Variants in WDR41 observed in about 807,000 individuals in gnomAD.
WDR41 encodes the protein WD repeat domain 41.
In WDR41, 63 loss-of-function variants were observed where a neutral mutation model predicts 69.3. The observed-to-expected ratio is 0.91, with a 90% CI of 0.74 to 1.12. WDR41 has a LOEUF of 1.12. Among genes scored for constraint, WDR41 ranks in the 50% most tolerant of loss-of-function variants. The pLI, the probability that WDR41 is intolerant of heterozygous loss-of-function variation, is 0.00. For missense variants in WDR41, 543 were observed against 534.5 expected (o/e 1.02, Z -0.16); for synonymous variants, 185 against 192.1 (o/e 0.96, Z 0.31).
chr5:77,589,806 TATA>T (rs1744105035), intron 1 of WDR41, among the ~76,000 whole-genome samples: 1 of 152,158 alleles, frequency 6.6e-6, no homozygotes, highest in Non-Finnish European at 1.5e-5. Context: ...TTCCAATCCT[TATA>T]ATATTTATTT....
intron 1 of WDR41, among the ~76,000 whole-genome samples, chr5:77,515,951 A>T (rs1435627870): frequency 6.6e-6 from 1 of 152,212 alleles, no homozygotes; most frequent in Admixed American, 6.5e-5. Context: ...ATTTGTCAAC[A>T]TTATAATGCC....
intron 1 of WDR41, among the ~76,000 whole-genome samples, chr5:77,521,311 C>T (rs1802367667): frequency 6.6e-6 from 1 of 152,234 alleles, no homozygotes; most frequent in Non-Finnish European, 1.5e-5. Flanking sequence ...AATCTAATGC[C>T]GAGGCTGATC....
chr5:77,454,132 A>C (rs1799734867), intron 5 of WDR41, among the ~76,000 whole-genome samples: 1 of 152,170 alleles, frequency 6.6e-6, no homozygotes, highest in African/African-American at 2.4e-5. Flanking sequence ...GACTTACAAG[A>C]CTAAGTCATA....
intron 1 of WDR41, among the ~76,000 whole-genome samples, chr5:77,561,287 T>G (rs1301372921): frequency 6.6e-6 from 1 of 152,158 alleles, no homozygotes; most frequent in African/African-American, 2.4e-5. Flanking sequence ...TGCATATAAG[T>G]TTTTCATTTT....
chr5:77,493,108 T>C (rs965737167), upstream of WDR41, among the ~76,000 whole-genome samples: 6 of 152,220 alleles, frequency 3.9e-5, no homozygotes, highest in African/African-American at 1.4e-4. Flanking sequence ...AAATGTAGAT[T>C]CCTGGCTTCC....
intron 3 of WDR41, among the ~76,000 whole-genome samples, chr5:77,464,274 C>CTTTTTTTTTTTTT (rs71606297): frequency 2.1e-5 from 2 of 94,222 alleles, no homozygotes; most frequent in African/African-American, 4.3e-5. Context: ...TAGGAAAAAA[C>CTTTTTTTTTTTTT]TTTTTTTTTT....
chr5:77,526,925 T>A (rs1802458683), intron 1 of WDR41, among the ~76,000 whole-genome samples: 1 of 152,096 alleles, frequency 6.6e-6, no homozygotes, highest in Admixed American at 6.5e-5. Flanking sequence ...CCAATAGCTA[T>A]CCCATATGGA....
intron 2 of WDR41, among the ~76,000 whole-genome samples, chr5:77,469,525 AG>A (rs1390889736): frequency 2.0e-5 from 3 of 152,208 alleles, no homozygotes; most frequent in African/African-American, 7.2e-5. Flanking sequence ...CTCTTTGGTA[AG>A]ACCATTTCAT....
intron 1 of WDR41, among the ~76,000 whole-genome samples, chr5:77,542,091 T>C (rs1743098289): frequency 6.6e-6 from 1 of 152,116 alleles, no homozygotes; most frequent in Non-Finnish European, 1.5e-5. Context: ...TATGCAGCCA[T>C]AAAAAGGAAC....
intron 1 of WDR41, among the ~76,000 whole-genome samples, chr5:77,585,037 A>G (rs1744012841): frequency 6.6e-6 from 1 of 152,100 alleles, no homozygotes; most frequent in South Asian, 2.1e-4. Context: ...TAAACAGACA[A>G]CTCACACAGT....
At chr5:77,494,560 A>G (rs1280693926), upstream of WDR41, among the ~76,000 whole-genome samples, 1 of 152,200 alleles carries the variant, frequency 6.6e-6, no homozygotes, top group African/African-American at 2.4e-5. Context: ...AAGTTTTCAA[A>G]GACAGAAACA....
At chr5:77,593,648 G>A (rs1744170502) in intron 1 of WDR41, among the ~76,000 whole-genome samples, 1 of 152,098 alleles carries the variant, frequency 6.6e-6, no homozygotes, top group Non-Finnish European at 1.5e-5. Context: ...TATGGTGCTA[G>A]TTTATAAAAA....
intron 1 of WDR41, chr5:77,546,069 G>A (rs1356335671): frequency 2.2e-5 from 12 of 544,476 alleles, no homozygotes; most frequent in Admixed American, 6.4e-5. Context: ...TCAGCCAGGG[G>A]CTGCACTGCC....
intron 8 of WDR41, among the ~76,000 whole-genome samples, chr5:77,448,890 A>AACAAACAAACAC (rs769630165): frequency 2.7e-5 from 4 of 148,982 alleles, no homozygotes; most frequent in African/African-American, 7.5e-5. Context: ...CAAACAAACA[A>AACAAACAAACAC]ACACAAACAA....
rs377454188 is a variant in WDR41 at position 77,583,903 on chromosome 5, A to G, written c.42+36576T>C. On this transcript the variant is annotated intron_variant, in intron 1 of 5. Transcript: ENST00000509971. Reference sequence around the variant, plus strand: ...AAATCCAGCAACATTTACAATGACCAAGTGAGATTAATCCCAAAAATGCAA... The same window carrying G: ...AAATCCAGCAACATTTACAATGACCGAGTGAGATTAATCCCAAAAATGCAA... Among the ~76,000 whole-genome samples, 33 of 152,322 alleles carry G rather than the reference A, an allele frequency of 2.2e-4. No individual in the cohort carries two copies. In the East Asian group the frequency reaches 4.1e-3, roughly 19 times the overall value.
chr5:77,458,421 GCTA>G (rs1329087313), intron 5 of WDR41, among the ~76,000 whole-genome samples: 13 of 152,104 alleles, frequency 8.5e-5, no homozygotes, highest in Admixed American at 1.3e-4. Flanking sequence ...AACATCTACT[GCTA>G]CTACTATCTT....
At chr5:77,442,918 TTTTTTCC>T (rs1025590883) in intron 8 of WDR41, among the ~76,000 whole-genome samples, 7 of 76,550 alleles carry the variant, frequency 9.1e-5, no homozygotes, top group African/African-American at 4.4e-4. Context: ...AAAAAAGGAT[TTTTTTCC>T]ATTTTACATA....
intron 1 of WDR41, among the ~76,000 whole-genome samples, chr5:77,569,524 C>T (rs1743694128): frequency 6.6e-6 from 1 of 152,098 alleles, no homozygotes; most frequent in African/African-American, 2.4e-5. Flanking sequence ...TGACATGCTT[C>T]ACTGACCTGG....
intron 1 of WDR41, among the ~76,000 whole-genome samples, chr5:77,558,094 T>TAAAAAAAAAAAAAAA (rs71608105): frequency 5.8e-5 from 6 of 104,306 alleles, no homozygotes; most frequent in Non-Finnish European, 7.9e-5. Context: ...ATGTTCTTTT[T>TAAAAAAAAAAAAAAA]AAAAAAAAAA....
Sources: allele counts gnomAD v4.1 joint callset (sites outside exome capture counted in the v4.1 genomes callset), GRCh38; gene constraint gnomAD v4.1.1; transcripts MANE v1.5; gene names NCBI Gene and HGNC (gene_info 2026-07-23, HGNC 2026-07-21).